PCDH11X: variants seen among roughly 807,000 people sequenced by gnomAD.
PCDH11X encodes the protein protocadherin-11 X-linked.
In PCDH11X, 18 loss-of-function variants were observed where a neutral mutation model predicts 53.3. The observed-to-expected ratio is 0.34, with a 90% CI of 0.23 to 0.50. The LOEUF (loss-of-function observed/expected upper bound fraction) is 0.50. Among genes scored for constraint, PCDH11X ranks in the 20% least tolerant of loss-of-function variants. The probability of loss-of-function intolerance (pLI) is 0.98; values close to 1 mark genes in which losing one functional copy is unlikely to be tolerated. For missense variants in PCDH11X, 570 were observed against 1,032.4 expected (o/e 0.55, Z 6.14); for synonymous variants, 279 against 393.3 (o/e 0.71, Z 3.44).
chrX:91,855,217 G>T (rs904516876), intron 5 of PCDH11X, among the ~76,000 whole-genome samples: 4 of 111,553 alleles, frequency 3.6e-5, no homozygotes, highest in African/African-American at 6.6e-5. Context: ...TCTGCATGTG[G>T]ATATCAGGTT....
chrX:91,851,876 TC>T (rs1474282647), intron 5 of PCDH11X, among the ~76,000 whole-genome samples: 2 of 111,651 alleles, frequency 1.8e-5, no homozygotes, highest in African/African-American at 6.5e-5. Flanking sequence ...TTGCTGCTAT[TC>T]TGTCCTGGCA....
chrX:92,150,745 A>G (rs2148238728), intron 6 of PCDH11X, among the ~76,000 whole-genome samples: 1 of 111,161 alleles, frequency 9.0e-6, no homozygotes, highest in South Asian at 3.7e-4. Flanking sequence ...TTTCATGTAG[A>G]AATCTTAAAC....
chrX:91,944,023 T>TTGTGTG (rs755497548), intron 6 of PCDH11X, among the ~76,000 whole-genome samples: 1 of 63,944 alleles, frequency 1.6e-5, no homozygotes, highest in Non-Finnish European at 3.0e-5. Context: ...ATCTCCTGGA[T>TTGTGTG]TGTGTGTGTG....
intron 9 of PCDH11X, among the ~76,000 whole-genome samples, chrX:92,467,053 A>C (rs1002250577): frequency 9.0e-6 from 1 of 111,082 alleles, no homozygotes; most frequent in Admixed American, 9.7e-5. Flanking sequence ...ATTGAAGTAG[A>C]ATCCTCATTT....
chrX:92,108,547 A>G (rs1290615088), intron 6 of PCDH11X, among the ~76,000 whole-genome samples: 2 of 111,740 alleles, frequency 1.8e-5, no homozygotes, highest in Non-Finnish European at 3.8e-5. Flanking sequence ...ATCTGTCAAT[A>G]TAATGTTTCA....
chrX:92,613,769 G>C (rs909204512), intron 10 of PCDH11X, among the ~76,000 whole-genome samples: 12 of 109,601 alleles, frequency 1.1e-4, no homozygotes, highest in African/African-American at 3.7e-4. Context: ...TCTTCCTCAG[G>C]GATGCCAGTA....
chrX:92,310,845 C>T (rs180847526), intron 8 of PCDH11X, among the ~76,000 whole-genome samples: 133 of 112,147 alleles, frequency 1.2e-3, no homozygotes, highest in African/African-American at 4.0e-3. Flanking sequence ...ATGTAGATTT[C>T]GTTTTCGTAA....
chrX:92,389,852 G>A (rs751939103), intron 9 of PCDH11X, among the ~76,000 whole-genome samples: 2 of 108,042 alleles, frequency 1.9e-5, no homozygotes, highest in East Asian at 2.9e-4. Flanking sequence ...TTAAAAAAAG[G>A]GTGCTTTCTG....
At chrX:92,398,141 C>G (rs1333223478) in intron 9 of PCDH11X, among the ~76,000 whole-genome samples, 1 of 111,880 alleles carries the variant, frequency 8.9e-6, no homozygotes, top group African/African-American at 3.2e-5. Context: ...AATATCATGG[C>G]GAAAGATCTT....
At chrX:91,983,301 G>A in intron 6 of PCDH11X, 4 of 945,080 alleles carry the variant, frequency 4.2e-6, no homozygotes, top group Non-Finnish European at 6.1e-6. Context: ...GTAAACGTCA[G>A]GCCGTACTCA....
intron 6 of PCDH11X, among the ~76,000 whole-genome samples, chrX:91,988,515 G>A (rs757327002): frequency 4.5e-5 from 5 of 111,717 alleles, no homozygotes; most frequent in South Asian, 3.7e-4. Flanking sequence ...CAATCAATTC[G>A]CATGCAGTAA....
chrX:92,112,534 T>G (rs1202560069), intron 6 of PCDH11X, among the ~76,000 whole-genome samples: 1 of 109,849 alleles, frequency 9.1e-6, no homozygotes, highest in African/African-American at 3.4e-5. Flanking sequence ...TCAATAGGCA[T>G]GTTCACTTTT....
intron 7 of PCDH11X, among the ~76,000 whole-genome samples, chrX:92,235,975 A>G (rs2067164470): frequency 9.0e-6 from 1 of 111,627 alleles, no homozygotes; most frequent in Non-Finnish European, 1.9e-5. Context: ...AACTACCACC[A>G]CATTACCACA....
chrX:92,004,397 T>C (rs2062561530), intron 6 of PCDH11X, among the ~76,000 whole-genome samples: 1 of 111,066 alleles, frequency 9.0e-6, no homozygotes, highest in Non-Finnish European at 1.9e-5. Flanking sequence ...ATTAGGTCCA[T>C]TTGGTCTATA....
chrX:92,258,862 A>G (rs1965860491), intron 7 of PCDH11X, among the ~76,000 whole-genome samples: 1 of 112,150 alleles, frequency 8.9e-6, no homozygotes, highest in Non-Finnish European at 1.9e-5. Flanking sequence ...CAGCAAGGCA[A>G]CATCTTGAAT....
chrX:92,353,143 C>CACATT (rs2070099154), intron 8 of PCDH11X, among the ~76,000 whole-genome samples: 1 of 111,565 alleles, frequency 9.0e-6, no homozygotes, highest in Admixed American at 9.5e-5. Context: ...TACTTCAAAA[C>CACATT]ACATTTATTT....
At chrX:92,615,150 C>A in intron 10 of PCDH11X, among the ~76,000 whole-genome samples, 1 of 111,505 alleles carries the variant, frequency 9.0e-6, no homozygotes, top group Non-Finnish European at 1.9e-5. Context: ...CACTGCACCA[C>A]CATCTATGCA....
rs758221295 is a variant in PCDH11X at position 91,878,375 on chromosome X, G to A, written c.2135G>A (p.Arg712His). ...DNDTGMNAEV[R>H]YSIVGGNTRD... ...GACACTGGCATGAATGCAGAGGTTC[G>A]TTACAGCATTGTAGGAGGAAACACA... is the stretch of plus-strand genomic sequence containing the variant. The change falls in exon 6 of 11, where the codon CGT (arginine) becomes CAT (histidine). Residue 712 changes from arginine to histidine, a missense_variant. By Grantham distance (29) the Arg-to-His change is conservative. Coordinates refer to ENST00000682573, the MANE Select transcript of PCDH11X (RefSeq NM_032968.5). 1.7e-5 allele frequency: 20 copies of A among 1,205,233 alleles called. No homozygotes were observed. Among genetic ancestry groups the A allele is most frequent in the South Asian group, 7.1e-5 (4 of 56,659 alleles).
Position 92,181,408 on chromosome X carries a change from A to G in PCDH11X, c.3034-19967A>G, listed in dbSNP as rs745570345. Among the ~76,000 whole-genome samples the G allele has an allele frequency of 7.1e-5, 8 of 112,009 alleles. No homozygotes were observed. The South Asian group carries it at 3.0e-3, about 42-fold the overall frequency. ...AGTTCAGAAAATTTGCAGCTTGACA[A>G]TGTGATAGGAAAGAAAATTTCATTT... On this transcript the variant is annotated intron_variant, in intron 6 of 10. Coordinates refer to ENST00000682573, the MANE Select transcript of PCDH11X (RefSeq NM_032968.5).
Sources: gnomAD v4.1 joint callset for allele counts (sites outside exome capture counted in the v4.1 genomes callset) on GRCh38, gnomAD v4.1.1 for gene constraint, MANE v1.5 for transcripts, NCBI Gene and HGNC (gene_info 2026-07-23, HGNC 2026-07-21) for gene names.